Variants in KCNIP1 observed in about 807,000 individuals in gnomAD.
The protein encoded by KCNIP1 is A-type potassium channel modulatory protein KCNIP1.
KCNIP1 carries 18 observed loss-of-function variants against 33.0 expected under a neutral mutation model. The ratio of observed to expected loss-of-function variants is 0.55; its 90% CI spans 0.38 to 0.81. The LOEUF (loss-of-function observed/expected upper bound fraction) is 0.81, where lower values mean the gene tolerates loss of function less well. Among genes scored for constraint, KCNIP1 ranks in the 30% least tolerant of loss-of-function variants. The pLI is 0.00. For synonymous variants in KCNIP1, 93 were observed against 98.3 expected (o/e 0.95, Z 0.32); for missense variants, 238 against 271.6 (o/e 0.88, Z 0.87).
At chr5:170,646,245 G>A (rs1472664712) in intron 1 of KCNIP1, among the ~76,000 whole-genome samples, 1 of 152,082 alleles carries the variant, frequency 6.6e-6, no homozygotes, top group Non-Finnish European at 1.5e-5. Context: ...CTCATTCTAT[G>A]AGGCCAATAT....
At chr5:170,496,977 C>T (rs879723063) in intron 1 of KCNIP1, among the ~76,000 whole-genome samples, 5 of 152,056 alleles carry the variant, frequency 3.3e-5, no homozygotes, top group Admixed American at 3.3e-4. Flanking sequence ...GACTTTGGTG[C>T]CTTTGACCCT....
At chr5:170,698,408 T>G (rs183405731) in intron 1 of KCNIP1, among the ~76,000 whole-genome samples, 2 of 152,200 alleles carry the variant, frequency 1.3e-5, no homozygotes, top group Non-Finnish European at 2.9e-5. Flanking sequence ...AGACCTGTAT[T>G]TGAGCCCCAC....
chr5:170,542,370 A>G, intron 1 of KCNIP1, among the ~76,000 whole-genome samples: 1 of 152,190 alleles, frequency 6.6e-6, no homozygotes, highest in Admixed American at 6.5e-5. Flanking sequence ...TCTAGACCTC[A>G]GCTTTTAAAT....
chr5:170,726,897 C>T (rs966699477), intron 5 of KCNIP1, among the ~76,000 whole-genome samples: 1 of 151,792 alleles, frequency 6.6e-6, no homozygotes, highest in South Asian at 2.1e-4. Context: ...GGTGACAGAG[C>T]AAGACCCTGT....
intron 1 of KCNIP1, among the ~76,000 whole-genome samples, chr5:170,527,189 A>G (rs1755610669): frequency 6.6e-6 from 1 of 152,186 alleles, no homozygotes; most frequent in Non-Finnish European, 1.5e-5. Context: ...CAAGCCATGA[A>G]GCTCTAATAT....
chr5:170,551,669 G>A (rs918591488), intron 1 of KCNIP1, among the ~76,000 whole-genome samples: 2 of 150,574 alleles, frequency 1.3e-5, no homozygotes, highest in South Asian at 4.3e-4. Flanking sequence ...ACTGTGAGTG[G>A]TTGTGAGAGT....
intron 1 of KCNIP1, among the ~76,000 whole-genome samples, chr5:170,553,865 T>G (rs1027997230): frequency 6.6e-6 from 1 of 152,250 alleles, no homozygotes; most frequent in Non-Finnish European, 1.5e-5. Context: ...TAGATGTGTG[T>G]GGACCCGGGT....
intron 5 of KCNIP1, among the ~76,000 whole-genome samples, chr5:170,726,832 C>T (rs1383398116): frequency 6.6e-6 from 1 of 150,430 alleles, no homozygotes; most frequent in African/African-American, 2.4e-5. Flanking sequence ...AATTGCTTAA[C>T]CCTGGGGAGT....
intron 1 of KCNIP1, among the ~76,000 whole-genome samples, chr5:170,581,157 C>T (rs1757781387): frequency 6.6e-6 from 1 of 152,198 alleles, no homozygotes; most frequent in African/African-American, 2.4e-5. Context: ...ACTTCACGTC[C>T]AACCCCCATC....
chr5:170,445,445 C>G (rs141783559), intron 1 of KCNIP1, among the ~76,000 whole-genome samples: 1 of 152,196 alleles, frequency 6.6e-6, no homozygotes, highest in Non-Finnish European at 1.5e-5. Flanking sequence ...CTGCGGATCC[C>G]GAGGTGGATT....
chr5:170,666,777 T>C (rs1028154288), intron 1 of KCNIP1, among the ~76,000 whole-genome samples: 3 of 152,302 alleles, frequency 2.0e-5, no homozygotes, highest in Non-Finnish European at 2.9e-5. Flanking sequence ...CAGCTTCCAT[T>C]TGGCCATCCT....
intron 1 of KCNIP1, among the ~76,000 whole-genome samples, chr5:170,521,395 G>T (rs1403747237): frequency 6.6e-6 from 1 of 152,158 alleles, no homozygotes; most frequent in East Asian, 1.9e-4. Flanking sequence ...TCTCTGCTCT[G>T]TCTCCCACCT....
At chr5:170,713,627 T>C (rs1184328431) in intron 1 of KCNIP1, among the ~76,000 whole-genome samples, 1 of 152,240 alleles carries the variant, frequency 6.6e-6, no homozygotes, top group Non-Finnish European at 1.5e-5. Flanking sequence ...TCTTTAAACA[T>C]GGACAACTAA....
At chr5:170,381,526 A>T (rs1157116736) in intron 1 of KCNIP1, among the ~76,000 whole-genome samples, 1 of 152,184 alleles carries the variant, frequency 6.6e-6, no homozygotes, top group Non-Finnish European at 1.5e-5. Context: ...ACATAGGCGG[A>T]AGGAGCAGCT....
chr5:170,485,991 CT>C (rs1476637405), intron 1 of KCNIP1: 1 of 152,334 alleles, frequency 6.6e-6, no homozygotes, highest in Non-Finnish European at 1.5e-5. Flanking sequence ...GTAAAATGGC[CT>C]GTCCCAAACA....
chr5:170,712,913 C>A (rs747653759), intron 1 of KCNIP1: 3 of 1,600,350 alleles, frequency 1.9e-6, no homozygotes, highest in Non-Finnish European at 2.6e-6. Context: ...ACTAACCTGA[C>A]TTTGGTCACA....
intron 1 of KCNIP1, among the ~76,000 whole-genome samples, chr5:170,380,121 C>T (rs1174734241): frequency 2.0e-5 from 3 of 152,236 alleles, no homozygotes; most frequent in Non-Finnish European, 2.9e-5. Context: ...GCATGACACA[C>T]ATTTAATTCT....
At chr5:170,483,832 C>T (rs141729786) in intron 1 of KCNIP1, 3 of 152,254 alleles carry the variant, frequency 2.0e-5, no homozygotes, top group East Asian at 3.9e-4. Context: ...GCATGCAAGA[C>T]GCAATGATAA....
At chr5:170,439,690 G>C (rs78620792) in intron 1 of KCNIP1, among the ~76,000 whole-genome samples, 1 of 152,290 alleles carries the variant, frequency 6.6e-6, no homozygotes, top group Non-Finnish European at 1.5e-5. Flanking sequence ...CTCCTGGGTC[G>C]AGCTGCAGGA....
Sources: allele counts gnomAD v4.1 joint callset (sites outside exome capture counted in the v4.1 genomes callset), GRCh38; gene constraint gnomAD v4.1.1; transcripts MANE v1.5; gene names NCBI Gene and HGNC (gene_info 2026-07-23, HGNC 2026-07-21).